Variants in CUL2 observed in about 807,000 individuals in gnomAD.
CUL2 encodes cullin 2.
A neutral mutation model predicts 110.2 loss-of-function variants in CUL2; 22 were observed. The ratio of observed to expected loss-of-function variants is 0.20; its 90% confidence interval spans 0.14 to 0.28. The LOEUF is 0.28. CUL2 is among the 10% of genes least tolerant of loss of function. CUL2 has a pLI of 1.00. For missense variants in CUL2, 631 were observed against 905.5 expected (o/e 0.70, Z 3.89); for synonymous variants, 279 against 293.2 (o/e 0.95, Z 0.49).
intron 1 of CUL2, among the ~76,000 whole-genome samples, chr10:35,078,777 T>TA (rs1360973686): frequency 2.0e-5 from 3 of 152,242 alleles, no homozygotes; most frequent in Non-Finnish European, 4.4e-5. Context: ...GCTAACCACT[T>TA]ACTATTTTGA....
At chr10:35,030,514 C>A (rs1273005086) in intron 14 of CUL2, among the ~76,000 whole-genome samples, 1 of 152,034 alleles carries the variant, frequency 6.6e-6, no homozygotes, top group African/African-American at 2.4e-5. Context: ...ACCTGAGTAA[C>A]TGGGACTAGA....
At chr10:35,043,893 C>T (rs960809446) in intron 8 of CUL2, among the ~76,000 whole-genome samples, 7 of 151,806 alleles carry the variant, frequency 4.6e-5, no homozygotes, top group African/African-American at 1.7e-4. Context: ...CACAGCAAGA[C>T]CCCATCTCTA....
Position 35,038,980 on chromosome 10 carries a change from C to G in CUL2, c.817G>C (p.Asp273His). Residue 273 changes from aspartate (D) to histidine (H), a missense_variant, in exon 9 of 21, where the codon GAC becomes CAC. Coordinates refer to ENST00000374749, the MANE Select transcript of CUL2 (RefSeq NM_003591.4). ...TCTGCATGTAAAAACTGTAAGTGGT[C>G]TGCTACCATTCGTTGTTGACATTCA... The part of the protein sequence containing the change: ...IHECQQRMVA[D>H]HLQFLHAECH... The G allele has an allele frequency of 6.2e-7, 1 of 1,609,954 alleles. No homozygotes were observed.
At chr10:35,026,977 C>T (rs993684515) in intron 16 of CUL2, among the ~76,000 whole-genome samples, 6 of 151,830 alleles carry the variant, frequency 4.0e-5, no homozygotes, top group African/African-American at 1.5e-4. Context: ...AATGCTATCC[C>T]TCCCCCCTCC....
intron 5 of CUL2, among the ~76,000 whole-genome samples, chr10:35,051,402 A>G (rs2086106261): frequency 6.6e-6 from 1 of 151,916 alleles, no homozygotes; most frequent in African/African-American, 2.4e-5. Context: ...TCACAAGGTC[A>G]GGAGATGGAG....
In CUL2 at chr10:35,028,838, G is replaced by A; in HGVS notation, c.1589C>T (p.Pro530Leu). ...CTGTACACTTTTTTCTAATTCCTGGGGAATTGCAAACGTAGATGAAGGAGC... is the reference window on the plus strand; with the variant it reads ...CTGTACACTTTTTTCTAATTCCTGGAGAATTGCAAACGTAGATGAAGGAGC... ...TQAPSSTFAI[P>L]QELEKSVQMF... The change falls in exon 16 of 21, where the codon CCC (proline) becomes CTC (leucine). Residue 530 changes from proline (P) to leucine (L), a missense_variant. Physicochemically the swap from Pro to Leu is moderately conservative, Grantham distance 98. Coordinates refer to ENST00000374749, the MANE Select transcript of CUL2 (RefSeq NM_003591.4). The A allele has an allele frequency of 6.2e-7, 1 of 1,611,626 alleles. No individual in the cohort carries two copies. The highest frequency in any genetic ancestry group is 8.5e-7 in the Non-Finnish European group (1 of 1,178,550).
At chr10:35,054,295 A>G in intron 5 of CUL2, 139 bp downstream of exon 5, 1 of 546,734 alleles carries the variant, frequency 1.8e-6, no homozygotes, top group Non-Finnish European at 3.2e-6. Context: ...AAATCACTAT[A>G]GCATTTTATT....
Position 35,031,133 on chromosome 10 carries a change from A to G in CUL2, c.1386+167T>C, listed in dbSNP as rs1415763120. On this transcript the variant is annotated intron_variant, in intron 14 of 20. Coordinates refer to ENST00000374749, the MANE Select transcript of CUL2 (RefSeq NM_003591.4). The surrounding 1 kb of genome is among the most constrained non-coding windows in gnomAD (Gnocchi z 4.4). The stretch of plus-strand genomic sequence containing the variant: ...TGAATCTTCATATATAAACATATAC[A>G]TTTTGTCCTTTTAATACAGTATTTG... Among the ~76,000 whole-genome samples the G allele has an allele frequency of 6.6e-6, 1 of 152,238 alleles. No individual in the cohort carries two copies. The highest frequency in any genetic ancestry group is 1.5e-5 in the Non-Finnish European group (1 of 68,042).
intron 5 of CUL2, among the ~76,000 whole-genome samples, chr10:35,052,750 C>T (rs1375872215): frequency 1.3e-5 from 2 of 151,748 alleles, no homozygotes; most frequent in African/African-American, 4.8e-5. Context: ...AAAAAATTAG[C>T]CGGGTGTGGT....
chr10:35,055,749 T>C (rs934607610), intron 4 of CUL2, among the ~76,000 whole-genome samples: 4 of 150,942 alleles, frequency 2.7e-5, no homozygotes, highest in Admixed American at 1.3e-4. Flanking sequence ...CTCTTTTTTT[T>C]CCCCTTTAAA....
intron 8 of CUL2, among the ~76,000 whole-genome samples, chr10:35,039,314 A>G (rs992266509): frequency 1.3e-5 from 2 of 152,228 alleles, no homozygotes; most frequent in African/African-American, 4.8e-5. Context: ...CTAAAGTTAA[A>G]TAGTCTGCAT....
At chr10:35,080,857 G>C (rs144025429) in intron 1 of CUL2, among the ~76,000 whole-genome samples, 153 of 152,202 alleles carry the variant, frequency 1.0e-3, no homozygotes, top group Non-Finnish European at 1.8e-3. Flanking sequence ...AAAACATCTT[G>C]AAGTCTCAAA....
chr10:35,044,459 G>T, intron 8 of CUL2, 107 bp downstream of exon 8: 1 of 647,534 alleles, frequency 1.5e-6, no homozygotes, highest in Non-Finnish European at 2.5e-6. Flanking sequence ...TAAATAAACA[G>T]AATATTTTTC....
intron 9 of CUL2, among the ~76,000 whole-genome samples, chr10:35,037,135 G>A (rs2085642110): frequency 1.3e-5 from 2 of 152,090 alleles, no homozygotes; most frequent in African/African-American, 4.8e-5. Context: ...TTATCTTCTA[G>A]AAGTGTTATT....
chr10:35,064,244 C>A (rs1462341166), intron 2 of CUL2: 2 of 152,070 alleles, frequency 1.3e-5, no homozygotes, highest in African/African-American at 4.8e-5. Flanking sequence ...TGAGACCAGC[C>A]TAACTAAAGA....
intron 4 of CUL2, among the ~76,000 whole-genome samples, chr10:35,058,621 G>A (rs2086303685): frequency 6.6e-6 from 1 of 152,144 alleles, no homozygotes; most frequent in Non-Finnish European, 1.5e-5. Context: ...TCCCTGAGAT[G>A]TCTGCACAAC....
intron 8 of CUL2, among the ~76,000 whole-genome samples, chr10:35,040,447 G>A (rs937031582): frequency 3.3e-5 from 5 of 152,202 alleles, no homozygotes; most frequent in Non-Finnish European, 7.3e-5. Context: ...TGTTCCCGGG[G>A]AACTACATAC....
At chr10:35,088,518 AAAAG>A (rs1564748749) in intron 1 of CUL2, among the ~76,000 whole-genome samples, 3 of 147,780 alleles carry the variant, frequency 2.0e-5, no homozygotes, top group Non-Finnish European at 1.5e-5. Context: ...AAAAAAAAAA[AAAAG>A]AAATGTAATG....
intron 6 of CUL2, among the ~76,000 whole-genome samples, chr10:35,045,859 C>T (rs1295796135): frequency 6.6e-6 from 1 of 152,254 alleles, no homozygotes; most frequent in African/African-American, 2.4e-5. Flanking sequence ...TCACTACACA[C>T]TCTTCCAACC....
Sources: allele counts gnomAD v4.1 joint callset (sites outside exome capture counted in the v4.1 genomes callset), GRCh38; gene constraint gnomAD v4.1.1; non-coding constraint Gnocchi (gnomAD v3.1); transcripts MANE v1.5; gene names NCBI Gene and HGNC (gene_info 2026-07-23, HGNC 2026-07-21).